SH3PXD2A: variants seen among roughly 807,000 people sequenced by gnomAD.
SH3PXD2A encodes the protein SH3 and PX domains 2A.
Under a neutral mutation model 115.2 loss-of-function variants are expected in SH3PXD2A, and 32 were observed. The observed-to-expected ratio is 0.28, with a 90% CI of 0.21 to 0.37. The LOEUF (loss-of-function observed/expected upper bound fraction) is 0.37, where lower values mean the gene tolerates loss of function less well. Ranked by LOEUF, SH3PXD2A falls within the 10% of genes least tolerant of loss-of-function variation. The probability of loss-of-function intolerance (pLI) is 1.00; values close to 1 mark genes in which losing one functional copy is unlikely to be tolerated. For missense variants in SH3PXD2A, 1,328 were observed against 1,498.7 expected (o/e 0.89, Z 1.88); for synonymous variants, 610 against 629.1 (o/e 0.97, Z 0.45).
chr10:103,701,770 T>G (rs1371524441), intron 5 of SH3PXD2A, among the ~76,000 whole-genome samples: 1 of 139,276 alleles, frequency 7.2e-6, no homozygotes. Flanking sequence ...CATCCAGCCA[T>G]CCATCCACCA....
chr10:103,679,447 T>C (rs2037581766), intron 6 of SH3PXD2A, among the ~76,000 whole-genome samples: 1 of 152,178 alleles, frequency 6.6e-6, no homozygotes, highest in African/African-American at 2.4e-5. Context: ...CCACTAGCCT[T>C]CAAGGGTACC....
chr10:103,647,268 C>G (rs2037050126), intron 8 of SH3PXD2A, among the ~76,000 whole-genome samples: 1 of 152,144 alleles, frequency 6.6e-6, no homozygotes, highest in African/African-American at 2.4e-5. Context: ...CTCCGTCCCT[C>G]AAATCTCACT....
intron 2 of SH3PXD2A, among the ~76,000 whole-genome samples, chr10:103,769,108 G>A (rs926244306): frequency 1.3e-5 from 2 of 150,228 alleles, no homozygotes; most frequent in Non-Finnish European, 3.0e-5. Flanking sequence ...AAATATCCAA[G>A]CTATAGCATG....
intron 1 of SH3PXD2A, among the ~76,000 whole-genome samples, chr10:103,838,393 A>G (rs1270403375): frequency 6.6e-6 from 1 of 152,182 alleles, no homozygotes; most frequent in Admixed American, 6.5e-5. Context: ...TTATCCTCAT[A>G]TTAACGGAAG....
intron 2 of SH3PXD2A, among the ~76,000 whole-genome samples, chr10:103,791,924 C>T (rs1388294314): frequency 6.6e-6 from 1 of 152,154 alleles, no homozygotes; most frequent in Non-Finnish European, 1.5e-5. Flanking sequence ...TGCCAGTTCA[C>T]CCTGGTCTTC....
chr10:103,733,501 A>ATTTAAC (rs1275566580), intron 4 of SH3PXD2A, among the ~76,000 whole-genome samples: 1 of 152,250 alleles, frequency 6.6e-6, no homozygotes, highest in East Asian at 1.9e-4. Context: ...AGCTCAGGCT[A>ATTTAAC]CAGCCATCAA....
At chr10:103,618,595 C>A (rs2036555851) in intron 10 of SH3PXD2A, among the ~76,000 whole-genome samples, 1 of 152,208 alleles carries the variant, frequency 6.6e-6, no homozygotes, top group African/African-American at 2.4e-5. Context: ...GGCGTGGGTG[C>A]TCCCCAGGGG....
At chr10:103,683,835 C>T (rs1224269134) in intron 6 of SH3PXD2A, among the ~76,000 whole-genome samples, 1 of 152,222 alleles carries the variant, frequency 6.6e-6, no homozygotes, top group Non-Finnish European at 1.5e-5. Flanking sequence ...CCCACAATGG[C>T]CAGCCACCCC....
chr10:103,654,260 G>A (rs962672914), intron 8 of SH3PXD2A, among the ~76,000 whole-genome samples: 3 of 152,154 alleles, frequency 2.0e-5, no homozygotes, highest in Non-Finnish European at 4.4e-5. Flanking sequence ...AAGGATAACT[G>A]CCCAAGCAAG....
chr10:103,604,028 T>C (rs1421116688), intron 14 of SH3PXD2A, among the ~76,000 whole-genome samples: 7 of 152,170 alleles, frequency 4.6e-5, no homozygotes, highest in Non-Finnish European at 1.5e-5. Context: ...CCCTCCCTGA[T>C]CCTCCATGTC....
chr10:103,722,904 T>TTTCCG (rs1342999543), intron 5 of SH3PXD2A, among the ~76,000 whole-genome samples: 1 of 152,238 alleles, frequency 6.6e-6, no homozygotes, highest in Non-Finnish European at 1.5e-5. Context: ...TGGTCTTTGC[T>TTTCCG]AGGCCAGGTG....
intron 9 of SH3PXD2A, among the ~76,000 whole-genome samples, chr10:103,623,107 AC>A (rs1357263169): frequency 1.3e-5 from 2 of 151,994 alleles, no homozygotes; most frequent in African/African-American, 4.8e-5. Context: ...CATTCTGGGA[AC>A]CCTTCCCTGT....
chr10:103,728,873 G>GT (rs1413266591), intron 4 of SH3PXD2A, among the ~76,000 whole-genome samples: 4 of 129,898 alleles, frequency 3.1e-5, no homozygotes, highest in African/African-American at 6.5e-5. Context: ...GTAGCAAAGA[G>GT]TTGTTTTTTT....
At chr10:103,837,869 G>A (rs1057489082) in intron 1 of SH3PXD2A, among the ~76,000 whole-genome samples, 3 of 152,150 alleles carry the variant, frequency 2.0e-5, no homozygotes, top group Non-Finnish European at 4.4e-5. Flanking sequence ...GGCTGCTCTC[G>A]AGAGGAGAGT....
chr10:103,820,589 G>A (rs1307794809), intron 1 of SH3PXD2A, among the ~76,000 whole-genome samples: 1 of 152,060 alleles, frequency 6.6e-6, no homozygotes, highest in Non-Finnish European at 1.5e-5. Context: ...TCTGACCTCA[G>A]CCTGTTTTGC....
intron 5 of SH3PXD2A, among the ~76,000 whole-genome samples, chr10:103,705,926 G>C (rs141340030): frequency 6.6e-6 from 1 of 151,958 alleles, no homozygotes; most frequent in African/African-American, 2.4e-5. Context: ...GAACCTGGGA[G>C]GTGGAGGTTG....
At chr10:103,713,784 A>G (rs528939058) in intron 5 of SH3PXD2A, among the ~76,000 whole-genome samples, 1 of 152,334 alleles carries the variant, frequency 6.6e-6, no homozygotes, top group South Asian at 2.1e-4. Flanking sequence ...TGGGAGTTTA[A>G]ATAATTCCCA....
chr10:103,627,014 G>A lies in SH3PXD2A; in HGVS notation c.718+75C>T. The A allele has an allele frequency of 1.2e-6, 1 of 816,048 alleles. No individual in the cohort carries two copies. The highest frequency in any genetic ancestry group is 2.1e-6 in the Non-Finnish European group (1 of 466,508). The allele number at this position is 816,048 out of a possible 1,614,324, so 50.6% of individuals were successfully genotyped here. On this transcript the variant is annotated intron_variant, in intron 9 of 14. Transcript: ENST00000369774. This position sits in a 1 kb window ranked among gnomAD's most constrained non-coding sequence, Gnocchi z 4.4. Reference sequence around the variant, plus strand: ...TCAGCTCACTTTAGGGGTTCTGTTGGTTCTAGGGAAAGAGTGAGAGAGCTG... The same window carrying A: ...TCAGCTCACTTTAGGGGTTCTGTTGATTCTAGGGAAAGAGTGAGAGAGCTG...
chr10:103,608,252 G>A (rs1243501978), intron 13 of SH3PXD2A, among the ~76,000 whole-genome samples: 14 of 148,946 alleles, frequency 9.4e-5, no homozygotes, highest in Admixed American at 8.7e-4. Flanking sequence ...CCCGGAAGCC[G>A]GGAGAGAGGC....
Sources: gnomAD v4.1 joint callset for allele counts (sites outside exome capture counted in the v4.1 genomes callset) on GRCh38, gnomAD v4.1.1 for gene constraint, Gnocchi (gnomAD v3.1) non-coding constraint, MANE v1.5 for transcripts, NCBI Gene and HGNC (gene_info 2026-07-23, HGNC 2026-07-21) for gene names.